Variants in TENM4 observed in about 807,000 individuals in gnomAD.
TENM4 encodes teneurin transmembrane protein 4, also known as teneurin-4.
A neutral mutation model predicts 243.3 loss-of-function variants in TENM4; 82 were observed. The ratio of observed to expected loss-of-function variants is 0.34; its 90% CI spans 0.28 to 0.40. TENM4 has a LOEUF of 0.40. Among genes scored for constraint, TENM4 ranks in the 10% least tolerant of loss-of-function variants. TENM4 has a pLI of 1.00. For synonymous variants in TENM4, 1,412 were observed against 1,456.3 expected (o/e 0.97, Z 0.69); for missense variants, 3,138 against 3,673.3 (o/e 0.85, Z 3.77).
chr11:78,706,066 A>G (rs1263876425), intron 27 of TENM4, among the ~76,000 whole-genome samples: 1 of 152,150 alleles, frequency 6.6e-6, no homozygotes, highest in Admixed American at 6.5e-5. Flanking sequence ...TTATAAATGC[A>G]TTTGCATTCA....
intron 6 of TENM4, among the ~76,000 whole-genome samples, chr11:79,011,072 G>C (rs551293133): frequency 6.6e-6 from 1 of 152,276 alleles, no homozygotes; most frequent in South Asian, 2.1e-4. Flanking sequence ...CCCTTCTCTA[G>C]TCATCCTTAT....
intron 6 of TENM4, among the ~76,000 whole-genome samples, chr11:78,974,939 C>T (rs932481739): frequency 1.3e-5 from 2 of 151,878 alleles, no homozygotes; most frequent in Admixed American, 1.3e-4. Flanking sequence ...CCCACCTTGG[C>T]TTCCCAAAGT....
intron 2 of TENM4, among the ~76,000 whole-genome samples, chr11:79,262,516 G>T (rs1481706536): frequency 2.0e-5 from 3 of 152,164 alleles, no homozygotes; most frequent in Admixed American, 2.0e-4. Flanking sequence ...ACTGTAAACT[G>T]CTCGTTCCAT....
rs937031570 is a variant in TENM4 at position 78,811,108 on chromosome 11, A to G, written c.1978+1014T>C. Among the ~76,000 whole-genome samples the G allele has an allele frequency of 5.3e-5, 8 of 152,316 alleles. No individual in the cohort carries two copies. In the East Asian group the frequency reaches 9.7e-4, roughly 18 times the overall value. ...TGCTTTACATGGGTCATTTAATTCA[A>G]TCCTCACAATGGCCCTCAGAGGAAG... On this transcript the variant is annotated intron_variant, in intron 14 of 33. Coordinates refer to ENST00000278550, the MANE Select transcript of TENM4 (RefSeq NM_001098816.3).
At chr11:78,690,252 T>C in intron 28 of TENM4, among the ~76,000 whole-genome samples, 1 of 152,130 alleles carries the variant, frequency 6.6e-6, no homozygotes, top group East Asian at 1.9e-4. Context: ...AGTAAAGATC[T>C]GAGATGCATG....
At chr11:79,200,387 C>T (rs10899607) in intron 3 of TENM4, among the ~76,000 whole-genome samples, 35,187 of 152,198 alleles carry the variant, frequency 0.23, 4,457 homozygotes, top group Non-Finnish European at 0.27. Flanking sequence ...AAGTCCACTT[C>T]ACCTTACTCC....
At chr11:79,302,689 C>G (rs1856568678) in intron 1 of TENM4, among the ~76,000 whole-genome samples, 1 of 152,166 alleles carries the variant, frequency 6.6e-6, no homozygotes, top group Non-Finnish European at 1.5e-5. Flanking sequence ...TCCCTGTTCC[C>G]TGAGTTCACC....
chr11:79,223,253 G>A (rs1864199036), intron 2 of TENM4, among the ~76,000 whole-genome samples: 2 of 152,290 alleles, frequency 1.3e-5, no homozygotes, highest in South Asian at 4.2e-4. Flanking sequence ...ACTGGCAGGG[G>A]AGAAAACTGT....
intron 6 of TENM4, among the ~76,000 whole-genome samples, chr11:78,963,984 A>C (rs1591167184): frequency 1.4e-5 from 2 of 138,950 alleles, no homozygotes; most frequent in African/African-American, 5.5e-5. Context: ...TGATCCACCC[A>C]CCTCAGCCTC....
intron 4 of TENM4, among the ~76,000 whole-genome samples, chr11:79,079,672 T>G (rs796170134): frequency 2.0e-5 from 3 of 152,000 alleles, no homozygotes; most frequent in African/African-American, 7.2e-5. Flanking sequence ...CTACGAAATA[T>G]ACAAGAATTA....
At chr11:79,432,392 A>G (rs1859188279) in intron 1 of TENM4, among the ~76,000 whole-genome samples, 1 of 152,212 alleles carries the variant, frequency 6.6e-6, no homozygotes, top group South Asian at 2.1e-4. Flanking sequence ...ACATTAATAA[A>G]ACGTTTAAAT....
At chr11:78,743,442 AGAGT>A (rs1408740474) in intron 19 of TENM4, among the ~76,000 whole-genome samples, 2 of 152,242 alleles carry the variant, frequency 1.3e-5, no homozygotes, top group Non-Finnish European at 2.9e-5. Flanking sequence ...TGCAGGGCAC[AGAGT>A]AAGTTCTTGA....
At chr11:79,199,474 G>A (rs571436091) in intron 3 of TENM4, among the ~76,000 whole-genome samples, 23 of 152,168 alleles carry the variant, frequency 1.5e-4, no homozygotes, top group East Asian at 9.6e-4. Flanking sequence ...TACCTGATAC[G>A]TGGTGAGCCT....
At chr11:78,757,078 T>C in intron 18 of TENM4, 57 bp from the exon 19 acceptor site, 4 of 1,507,988 alleles carry the variant, frequency 2.7e-6, no homozygotes, top group Non-Finnish European at 3.6e-6. Flanking sequence ...GCCATGTTTA[T>C]CCAGAATGCC....
At chr11:79,325,236 T>C (rs1219219043) in intron 1 of TENM4, among the ~76,000 whole-genome samples, 1 of 152,196 alleles carries the variant, frequency 6.6e-6, no homozygotes, top group Non-Finnish European at 1.5e-5. Context: ...GTCCACACTT[T>C]TAATGACTCT....
chr11:78,956,937 G>A (rs1375021254), intron 6 of TENM4, among the ~76,000 whole-genome samples: 1 of 152,128 alleles, frequency 6.6e-6, no homozygotes, highest in Non-Finnish European at 1.5e-5. Context: ...ATTCTAAAGT[G>A]CTTCTGATTC....
intron 2 of TENM4, among the ~76,000 whole-genome samples, chr11:79,223,059 C>G (rs1387966963): frequency 6.6e-6 from 1 of 151,972 alleles, no homozygotes; most frequent in Non-Finnish European, 1.5e-5. Flanking sequence ...GATGGGTTGA[C>G]AGGTGCAGCA....
At chr11:78,949,901 T>C (rs1857077991) in intron 6 of TENM4, among the ~76,000 whole-genome samples, 1 of 152,088 alleles carries the variant, frequency 6.6e-6, no homozygotes, top group Non-Finnish European at 1.5e-5. Context: ...CTGTCCTCTC[T>C]CTGTCTCGGT....
chr11:78,913,548 A>G (rs1856240280), intron 6 of TENM4, among the ~76,000 whole-genome samples: 1 of 151,540 alleles, frequency 6.6e-6, no homozygotes, highest in Non-Finnish European at 1.5e-5. Flanking sequence ...TCAAGTCCCA[A>G]ATCAACAAGG....
Sources: gnomAD v4.1 joint callset for allele counts (sites outside exome capture counted in the v4.1 genomes callset) on GRCh38, gnomAD v4.1.1 for gene constraint, MANE v1.5 for transcripts, NCBI Gene and HGNC (gene_info 2026-07-23, HGNC 2026-07-21) for gene names.